The following EPHA5 variants were observed in gnomAD, a reference collection of about 807,000 sequenced individuals.
The protein encoded by EPHA5 is ephrin type-A receptor 5.
Under a neutral mutation model 105.0 loss-of-function variants are expected in EPHA5, and 60 were observed. The observed-to-expected ratio is 0.57, with a 90% CI of 0.46 to 0.71. The LOEUF (loss-of-function observed/expected upper bound fraction) is 0.71, where lower values mean the gene tolerates loss of function less well. Among genes scored for constraint, EPHA5 ranks in the 30% least tolerant of loss-of-function variants. EPHA5 has a pLI of 0.00. For synonymous variants in EPHA5, 513 were observed against 449.1 expected (o/e 1.14, Z -1.80); for missense variants, 1,218 against 1,274.7 (o/e 0.96, Z 0.68).
intron 5 of EPHA5, among the ~76,000 whole-genome samples, chr4:65,463,656 A>T (rs1184089218): frequency 6.6e-6 from 1 of 152,092 alleles, no homozygotes; most frequent in Non-Finnish European, 1.5e-5. Context: ...TACTGTCCTC[A>T]TTTAAGTATA....
At chr4:65,501,178 A>G (rs186077031) in intron 3 of EPHA5, among the ~76,000 whole-genome samples, 3 of 151,578 alleles carry the variant, frequency 2.0e-5, no homozygotes, top group Non-Finnish European at 4.4e-5. Context: ...TATTTTATAT[A>G]GTATAAATAT....
chr4:65,588,070 A>T (rs1046520293), intron 3 of EPHA5, among the ~76,000 whole-genome samples: 4 of 152,174 alleles, frequency 2.6e-5, no homozygotes, highest in African/African-American at 7.2e-5. Flanking sequence ...ACCACTTTCT[A>T]GTTTTAGTTT....
At chr4:65,540,330 A>C (rs1736695232) in intron 3 of EPHA5, among the ~76,000 whole-genome samples, 1 of 151,528 alleles carries the variant, frequency 6.6e-6, no homozygotes, top group Non-Finnish European at 1.5e-5. Flanking sequence ...CTTTATATGA[A>C]CAATGAGATC....
intron 7 of EPHA5, among the ~76,000 whole-genome samples, chr4:65,410,907 T>C (rs1242652889): frequency 6.6e-6 from 1 of 152,182 alleles, no homozygotes; most frequent in Non-Finnish European, 1.5e-5. Flanking sequence ...ATCTTGGGCA[T>C]GTAAAGGTTA....
intron 9 of EPHA5, among the ~76,000 whole-genome samples, chr4:65,366,576 C>T (rs1000648448): frequency 1.3e-5 from 2 of 151,872 alleles, no homozygotes; most frequent in Non-Finnish European, 2.9e-5. Flanking sequence ...ACAAGACTTA[C>T]GCTCTGTGAG....
At chr4:65,565,617 TTCTG>T (rs1289608540) in intron 3 of EPHA5, among the ~76,000 whole-genome samples, 1 of 151,486 alleles carries the variant, frequency 6.6e-6, no homozygotes, top group Non-Finnish European at 1.5e-5. Flanking sequence ...TCAAATAATA[TTCTG>T]CTTTCAGCAA....
At chr4:65,457,684 A>C (rs1727731338) in intron 5 of EPHA5, among the ~76,000 whole-genome samples, 1 of 151,896 alleles carries the variant, frequency 6.6e-6, no homozygotes, top group Admixed American at 6.6e-5. Context: ...GTCGTGTAGC[A>C]TAACACAGTA....
At chr4:65,391,400 G>C (rs534254743) in intron 8 of EPHA5, among the ~76,000 whole-genome samples, 1 of 151,964 alleles carries the variant, frequency 6.6e-6, no homozygotes, top group Non-Finnish European at 1.5e-5. Context: ...TTTTTTCCTG[G>C]TTCATGTAAG....
intron 3 of EPHA5, among the ~76,000 whole-genome samples, chr4:65,561,348 C>T (rs915441939): frequency 1.3e-5 from 2 of 151,788 alleles, no homozygotes; most frequent in Non-Finnish European, 2.9e-5. Context: ...GAAGCAAGTA[C>T]AAAATACTGA....
chr4:65,616,454 C>CACACAGAGAG (rs1454115764), intron 2 of EPHA5, among the ~76,000 whole-genome samples: 4 of 147,848 alleles, frequency 2.7e-5, no homozygotes, highest in African/African-American at 1.0e-4. Context: ...CACACACACA[C>CACACAGAGAG]AGAGAGAGAG....
intron 11 of EPHA5, among the ~76,000 whole-genome samples, chr4:65,353,740 G>C (rs1462119479): frequency 1.3e-5 from 2 of 151,620 alleles, no homozygotes; most frequent in Admixed American, 6.6e-5. Context: ...ATGATCCTTT[G>C]AATGTATATT....
rs1287982843 is a variant in EPHA5 at position 65,630,270 on chromosome 4, G to C, written c.246+13093C>G. Reference sequence around the variant, plus strand: ...GCTTCCCTATGAGATCTCAAGAGTTGGGCGGGTGGGCTCAAGCATGTTCAT... The same window carrying C: ...GCTTCCCTATGAGATCTCAAGAGTTCGGCGGGTGGGCTCAAGCATGTTCAT... On this transcript the variant is annotated intron_variant, in intron 2 of 16. Coordinates refer to ENST00000613740, the MANE Select transcript of EPHA5 (RefSeq NM_001281766.3). Among the ~76,000 whole-genome samples the C allele has an allele frequency of 2.0e-5, 3 of 152,102 alleles. No homozygotes were observed. The South Asian group carries it at 6.2e-4, about 32-fold the overall frequency.
chr4:65,551,742 T>C (rs1331435123), intron 3 of EPHA5, among the ~76,000 whole-genome samples: 1 of 152,202 alleles, frequency 6.6e-6, no homozygotes, highest in African/African-American at 2.4e-5. Flanking sequence ...CTTCCTCCTG[T>C]TTACTCATGT....
chr4:65,648,478 G>T (rs1748322081), intron 1 of EPHA5, among the ~76,000 whole-genome samples: 1 of 152,164 alleles, frequency 6.6e-6, no homozygotes, highest in Non-Finnish European at 1.5e-5. Flanking sequence ...GAGAATGTGT[G>T]ATCCTTGATG....
chr4:65,364,912 A>G (rs1717711076), intron 11 of EPHA5, 105 bp downstream of exon 11: 1 of 889,892 alleles, frequency 1.1e-6, no homozygotes, highest in Admixed American at 2.9e-5. Flanking sequence ...AATATTAGAG[A>G]AATTAATATA....
chr4:65,477,610 C>T (rs1417050604), intron 5 of EPHA5, among the ~76,000 whole-genome samples: 1 of 151,942 alleles, frequency 6.6e-6, no homozygotes. Context: ...TCAGGGGTTT[C>T]ACCATCTTTG....
intron 2 of EPHA5, among the ~76,000 whole-genome samples, chr4:65,633,911 C>T (rs1244563275): frequency 1.3e-5 from 2 of 151,990 alleles, no homozygotes; most frequent in Non-Finnish European, 2.9e-5. Context: ...GGATGCAAAA[C>T]TAGACAAAGT....
chr4:65,542,551 A>T (rs1242251021), intron 3 of EPHA5, among the ~76,000 whole-genome samples: 1 of 152,004 alleles, frequency 6.6e-6, no homozygotes, highest in Non-Finnish European at 1.5e-5. Context: ...GTATACAAAT[A>T]ACAAGTTCTG....
At chr4:65,447,472 T>C (rs1440769746) in intron 5 of EPHA5, among the ~76,000 whole-genome samples, 1 of 150,312 alleles carries the variant, frequency 6.7e-6, no homozygotes, top group Non-Finnish European at 1.5e-5. Context: ...GAAACACATA[T>C]ATATATATAT....
Sources: gnomAD v4.1 joint callset for allele counts (sites outside exome capture counted in the v4.1 genomes callset) on GRCh38, gnomAD v4.1.1 for gene constraint, MANE v1.5 for transcripts, NCBI Gene and HGNC (gene_info 2026-07-23, HGNC 2026-07-21) for gene names.